The following TERB1 variants were observed in gnomAD, a reference collection of about 807,000 sequenced individuals.
TERB1 encodes the protein telomere repeat binding bouquet formation protein 1.
A neutral mutation model predicts 92.3 loss-of-function variants in TERB1; 63 were observed. The ratio of observed to expected loss-of-function variants is 0.68; its 90% CI spans 0.56 to 0.84. TERB1 has a LOEUF of 0.84. Among genes scored for constraint, TERB1 ranks in the 40% least tolerant of loss-of-function variants. The probability of loss-of-function intolerance (pLI) is 0.00; values close to 1 mark genes in which losing one functional copy is unlikely to be tolerated. For missense variants in TERB1, 709 were observed against 843.7 expected, an observed-to-expected ratio of 0.84 and a Z score of 1.98; for synonymous variants, 252 against 283.9, an observed-to-expected ratio of 0.89 and a Z score of 1.13.
chr16:66,780,703 TAC>T (rs759636360), intron 9 of TERB1, among the ~76,000 whole-genome samples: 4 of 152,220 alleles, frequency 2.6e-5, no homozygotes, highest in Non-Finnish European at 5.9e-5. Flanking sequence ...ACATTTATTG[TAC>T]ACTGAATATT....
rs10653807 is a variant in TERB1 at position 66,798,182 on chromosome 16, C to CT, written c.-32-1353dup. 3.3e-3 allele frequency among the ~76,000 whole-genome samples: 477 copies of CT among 142,958 alleles called. 2 individuals are homozygous for CT. Among genetic ancestry groups the CT allele is most frequent in the African/African-American group, 7.4e-3 (290 of 39,042 alleles). 93.8% of individuals were successfully genotyped at this position (142,958 alleles called of 152,430 possible). On this transcript the variant is annotated intron_variant, in intron 2 of 18. Transcript: ENST00000433154. ...AAATGTACAAGTATATTATTTTTGC[C>CT]TTTTTTTTTTTTTAAGAGATAGGGT...
intron 13 of TERB1, among the ~76,000 whole-genome samples, chr16:66,771,925 TA>T (rs2018459184): frequency 6.6e-6 from 1 of 152,204 alleles, no homozygotes; most frequent in Non-Finnish European, 1.5e-5. Flanking sequence ...TATATTTATA[TA>T]AAGAGGAAAG....
chr16:66,759,491 T>TA (rs2018193591), intron 16 of TERB1, among the ~76,000 whole-genome samples: 1 of 152,092 alleles, frequency 6.6e-6, no homozygotes, highest in African/African-American at 2.4e-5. Context: ...TATGAACAGT[T>TA]ACGGTGCTTT....
intron 11 of TERB1, among the ~76,000 whole-genome samples, chr16:66,776,405 C>T (rs896302409): frequency 2.6e-4 from 40 of 151,480 alleles, no homozygotes; most frequent in African/African-American, 9.7e-4. Context: ...ATCTCAGAAA[C>T]GCAGCCACAG....
intron 10 of TERB1, among the ~76,000 whole-genome samples, chr16:66,777,604 G>T (rs2018569655): frequency 6.6e-6 from 1 of 152,090 alleles, no homozygotes; most frequent in Non-Finnish European, 1.5e-5. Context: ...ATTTTTTGAA[G>T]AATTTTTTTC....
In TERB1 at chr16:66,775,161, C is replaced by G; in HGVS notation, c.1068G>C (p.Leu356=). 1 of 1,551,632 alleles carries G rather than the reference C, an allele frequency of 6.4e-7. No individual in the cohort carries two copies. Among genetic ancestry groups the G allele is most frequent in the Non-Finnish European group, 8.7e-7 (1 of 1,146,972 alleles). ...GAAGCACAAATGTGGCAGCTTTGTT[C>G]AGTTCCTCATTCTGCGATTCAGTTA... ...QALTESQNEE[L]NKAATFVLHN... Residue 356 remains leucine, a synonymous_variant, in exon 12 of 19, where the codon CTG becomes CTC. Coordinates refer to ENST00000433154, the MANE Select transcript of TERB1 (RefSeq NM_001136505.2).
rs1346421947 is a variant in TERB1, at chr16:66,784,109, C to T, written c.700+1677G>A. 2.6e-5 allele frequency among the ~76,000 whole-genome samples: 4 copies of T among 152,290 alleles called. No homozygotes were observed. In the South Asian group the frequency reaches 6.2e-4, roughly 24 times the overall value. On this transcript the variant is annotated intron_variant, in intron 9 of 18. Transcript: ENST00000433154. ...CTGTTAAGATCTATAGTGATGTCACCTTTCATTCCTGGCACAGGTAATCTG... is the reference window on the plus strand; with the variant it reads ...CTGTTAAGATCTATAGTGATGTCACTTTTCATTCCTGGCACAGGTAATCTG...
chr16:66,771,535 G>A (rs2018450947), intron 13 of TERB1, among the ~76,000 whole-genome samples: 2 of 152,064 alleles, frequency 1.3e-5, no homozygotes, highest in South Asian at 4.1e-4. Context: ...GTATCTGTGG[G>A]AGGTCCTGGA....
At chr16:66,799,468 T>C (rs1213186406) in intron 2 of TERB1, among the ~76,000 whole-genome samples, 1 of 152,180 alleles carries the variant, frequency 6.6e-6, no homozygotes, top group Non-Finnish European at 1.5e-5. Context: ...TCTCAGGTGA[T>C]CCACCCGCCT....
chr16:66,777,106 C>T, intron 11 of TERB1, 97 bp downstream of exon 11: 3 of 1,193,804 alleles, frequency 2.5e-6, no homozygotes, highest in Non-Finnish European at 3.4e-6. Flanking sequence ...AAAAGCAATA[C>T]TTTTAAGACC....
chr16:66,759,226 T>A lies in TERB1; in HGVS notation c.1845A>T (p.Pro615=). The change falls in exon 17 of 19, where the codon CCA becomes CCT. Residue 615 remains proline (P), a synonymous_variant. Transcript: ENST00000433154. The part of the protein sequence containing the change: ...RNFSKLLHSC[P]YQCDRHKVIV... Reference sequence around the variant, plus strand: ...TGACTTTGTGACGATCACATTGGTATGGGCAAGAGTGCAAGAGCTTGCTAA... The same window carrying A: ...TGACTTTGTGACGATCACATTGGTAAGGGCAAGAGTGCAAGAGCTTGCTAA... 1 of 1,551,006 alleles carries A rather than the reference T, an allele frequency of 6.4e-7. No individual in the cohort carries two copies.
chr16:66,797,623 CCACACACA>C (rs71145942), intron 2 of TERB1, among the ~76,000 whole-genome samples: 159 of 140,950 alleles, frequency 1.1e-3, no homozygotes, highest in African/African-American at 1.5e-3. Context: ...TAAAAACACA[CCACACACA>C]CACACACACA....
chr16:66,785,160 T>C (rs1024918845), intron 9 of TERB1, among the ~76,000 whole-genome samples: 2 of 151,948 alleles, frequency 1.3e-5, no homozygotes, highest in South Asian at 4.2e-4. Context: ...GCTCGGATTA[T>C]AGGTGTCTGC....
intron 3 of TERB1, among the ~76,000 whole-genome samples, chr16:66,794,063 C>G (rs16956969): frequency 0.19 from 28,545 of 151,960 alleles, 5,405 homozygotes; most frequent in African/African-American, 0.49. Context: ...CAGTTCTAGG[C>G]ACAATGCAGG....
chr16:66,796,810 T>C lies in TERB1; in HGVS notation c.-12A>G, dbSNP rs376808138. On this transcript the variant is annotated 5_prime_UTR_variant, in exon 3 of 19. Coordinates refer to ENST00000433154, the MANE Select transcript of TERB1 (RefSeq NM_001136505.2). ...TCTTCACTTTCCATGCTTGTCTATA[T>C]TCTTTTTCCTTATATTTTGTCTATA... 32 of 1,508,910 alleles carry C rather than the reference T, an allele frequency of 2.1e-5. No individual in the cohort carries two copies. In the African/African-American group the frequency reaches 4.2e-4, roughly 20 times the overall value. 93.5% of individuals were successfully genotyped at this position (1,508,910 alleles called of 1,614,324 possible). A position where few individuals can be genotyped will look rare whatever the true frequency, so the allele number is the denominator to read the frequency against.
chr16:66,801,658 T>G (rs1014379195), upstream of TERB1: 2 of 152,122 alleles, frequency 1.3e-5, no homozygotes, highest in African/African-American at 4.8e-5. Context: ...CCGCCGCCCC[T>G]GCAAGGTGTC....
At chr16:66,792,539 A>C (rs1283541058) in intron 3 of TERB1, among the ~76,000 whole-genome samples, 4 of 152,252 alleles carry the variant, frequency 2.6e-5, no homozygotes, top group African/African-American at 4.8e-5. Flanking sequence ...ACAGAAAGCT[A>C]CTAGAATCAG....
rs370972575 is a variant in TERB1, at chr16:66,755,124, ACTT to A, written c.2033_2035del (p.Glu678del). 1.8e-4 allele frequency: 285 copies of A among 1,549,154 alleles called. 1 individual carries two copies. The highest frequency in any genetic ancestry group is 2.2e-4 in the East Asian group (9 of 40,918). On this transcript the variant is annotated inframe_deletion, in exon 19 of 19. Coordinates refer to ENST00000433154, the MANE Select transcript of TERB1 (RefSeq NM_001136505.2). The stretch of plus-strand genomic sequence containing the variant: ...CTTAACTCCATTGAAAAGGTAATTT[ACTT>A]CTTCTTCAGTAAAGTTTTTGCGAAT...
intron 9 of TERB1, among the ~76,000 whole-genome samples, chr16:66,779,435 A>C (rs2018600633): frequency 1.3e-5 from 2 of 152,036 alleles, no homozygotes. Context: ...CATCTCTACT[A>C]AAAATAAAAA....
Sources: gnomAD v4.1 joint callset for allele counts (sites outside exome capture counted in the v4.1 genomes callset) on GRCh38, gnomAD v4.1.1 for gene constraint, MANE v1.5 for transcripts, NCBI Gene and HGNC (gene_info 2026-07-23, HGNC 2026-07-21) for gene names.